PKD1L1: variants seen among roughly 807,000 people sequenced by gnomAD.
PKD1L1 encodes polycystin 1 like 1, transient receptor potential channel interacting.
In PKD1L1, 236 loss-of-function variants were observed where a neutral mutation model predicts 323.4. The observed-to-expected ratio is 0.73, with a 90% CI of 0.66 to 0.81. The LOEUF is 0.81. PKD1L1 is among the 40% of genes least tolerant of loss of function. PKD1L1 has a pLI of 0.00. For synonymous variants in PKD1L1, 1,344 were observed against 1,335.0 expected (o/e 1.01, Z -0.15); for missense variants, 3,320 against 3,508.0 (o/e 0.95, Z 1.35).
chr7:47,853,670 G>A (rs1031645500), intron 30 of PKD1L1, among the ~76,000 whole-genome samples: 2 of 151,246 alleles, frequency 1.3e-5, no homozygotes, highest in African/African-American at 4.9e-5. Context: ...TTGAACCCGG[G>A]AGGCAGAGGT....
chr7:47,937,253 T>TGGGGGGGGGGGGGGGGGGGG (rs1787886392), intron 3 of PKD1L1, among the ~76,000 whole-genome samples: 2 of 2,474 alleles, frequency 8.1e-4, no homozygotes, highest in African/African-American at 2.3e-3. Flanking sequence ...CGGGACGGGG[T>TGGGGGGGGGGGGGGGGGGGG]GGGGGTGGGG....
At chr7:47,938,093 C>A (rs1787906721) in intron 3 of PKD1L1, among the ~76,000 whole-genome samples, 1 of 152,106 alleles carries the variant, frequency 6.6e-6, no homozygotes, top group African/African-American at 2.4e-5. Context: ...GGGCCCAGGG[C>A]CTCACTCTGG....
chr7:47,833,271 G>A lies in PKD1L1; in HGVS notation c.6175-19C>T. 6.2e-7 allele frequency: 1 copy of A among 1,608,766 alleles called. No homozygotes were observed. The highest frequency in any genetic ancestry group is 1.1e-5 in the South Asian group (1 of 90,104). On this transcript the variant is annotated intron_variant, in intron 40 of 56. Transcript: ENST00000289672. ...CAGGTTGCTAGAATGACAAGGTCAT[G>A]CCAAGGTTAATATCTCCACAGACAG...
intron 24 of PKD1L1, among the ~76,000 whole-genome samples, chr7:47,869,582 G>T (rs1786237284): frequency 6.6e-6 from 1 of 152,100 alleles, no homozygotes; most frequent in Non-Finnish European, 1.5e-5. Flanking sequence ...AACATATAGG[G>T]ACCTAACAAC....
At chr7:47,817,894 A>G (rs17627961) in intron 46 of PKD1L1, 94,780 of 603,342 alleles carry the variant, frequency 0.16, 8,425 homozygotes, top group Admixed American at 0.21. Flanking sequence ...CATAGCATGT[A>G]TGAGTAAAAG....
At chr7:47,792,923 A>C in intron 55 of PKD1L1, 126 bp from the exon 56 acceptor site, 2 of 861,790 alleles carry the variant, frequency 2.3e-6, no homozygotes, top group Non-Finnish European at 3.5e-6. Context: ...AAACATACTG[A>C]CTCTGCCTGC....
chr7:47,902,366 A>C lies in PKD1L1; in HGVS notation c.2064+13T>G, dbSNP rs752459383. ...AAGAGGCTGGTGGAGGATTTCCCAG[A>C]CTCCGAGCCTACCTGGACTTTCCCA... On this transcript the variant is annotated intron_variant, in intron 13 of 56. Transcript: ENST00000289672. 1 of 1,612,672 alleles carries C rather than the reference A, an allele frequency of 6.2e-7. No homozygotes were observed. The highest frequency in any genetic ancestry group is 8.5e-7 in the Non-Finnish European group (1 of 1,179,576).
chr7:47,926,335 T>G (rs1787656364), intron 7 of PKD1L1, among the ~76,000 whole-genome samples: 3 of 152,248 alleles, frequency 2.0e-5, no homozygotes, highest in Admixed American at 2.0e-4. Flanking sequence ...AAAATCTTTG[T>G]ATCTACCTAT....
intron 16 of PKD1L1, among the ~76,000 whole-genome samples, chr7:47,890,210 G>A (rs779893014): frequency 2.0e-5 from 3 of 152,208 alleles, no homozygotes; most frequent in Non-Finnish European, 2.9e-5. Flanking sequence ...TTGCCTCCTG[G>A]CTTCAGTCCC....
In PKD1L1 at chr7:47,929,354, C is replaced by T. The variant is rs752177210; in HGVS notation, c.910G>A (p.Ala304Thr). 19 of 1,614,034 alleles carry T rather than the reference C, an allele frequency of 1.2e-5. No individual in the cohort carries two copies. The highest frequency in any genetic ancestry group is 1.5e-5 in the Non-Finnish European group (18 of 1,180,040). ...LNCSLEVEAR[A>T]PPNLGFRVHM... is the part of the protein sequence containing the mutation. Reference sequence around the variant, plus strand: ...ACACGGAATCCCAGATTTGGAGGTGCCCGAGCTTCCACTTCCAGGGAGCAA... The same window carrying T: ...ACACGGAATCCCAGATTTGGAGGTGTCCGAGCTTCCACTTCCAGGGAGCAA... The change falls in exon 7 of 57, where the codon GCA becomes ACA. Residue 304 changes from alanine to threonine, a missense_variant. Ala to Thr is a moderately conservative substitution (Grantham distance 58). Transcript: ENST00000289672.
chr7:47,824,551 C>A (rs538229786), intron 45 of PKD1L1, among the ~76,000 whole-genome samples: 1 of 152,240 alleles, frequency 6.6e-6, no homozygotes, highest in Non-Finnish European at 1.5e-5. Flanking sequence ...AAATTTTTAA[C>A]CTTAACACAG....
Position 47,843,091 on chromosome 7 carries a change from T to C in PKD1L1, c.5316A>G (p.Arg1772=), listed in dbSNP as rs1397526014. The part of the protein sequence containing the change: ...ILYGFLVAKS[R]QVDHHEKKKA... ...TCTTTTTTTCATGATGATCTACTTG[T>C]CTACTTTTAGCGACCAAAAATCCAT... Residue 1772 remains arginine (R), a synonymous_variant, in exon 34 of 57, where the codon AGA becomes AGG. Coordinates refer to ENST00000289672, the MANE Select transcript of PKD1L1 (RefSeq NM_138295.5). 1 of 1,613,950 alleles carries C rather than the reference T, an allele frequency of 6.2e-7. No homozygotes were observed. Among genetic ancestry groups the C allele is most frequent in the Admixed American group, 1.7e-5 (1 of 60,006 alleles).
intron 52 of PKD1L1, among the ~76,000 whole-genome samples, chr7:47,804,031 T>C (rs900349634): frequency 1.1e-4 from 16 of 152,196 alleles, no homozygotes; most frequent in African/African-American, 3.9e-4. Context: ...TATGATCTCA[T>C]ATGCTCTCAC....
In PKD1L1 at chr7:47,813,409, C is replaced by T. The variant is rs138712643; in HGVS notation, c.7174-116G>A. ...ACCTGCTCTGTCCTGCAACATGGCA[C>T]CCTTCTCTCCTCATAGGATCGTTCT... On this transcript the variant is annotated intron_variant, in intron 48 of 56. Transcript: ENST00000289672. 5.7e-3 allele frequency: 6,146 copies of T among 1,078,830 alleles called. 32 individuals carry two copies. The highest frequency in any genetic ancestry group is 7.2e-3 in the Non-Finnish European group (5,293 of 730,164). 66.8% of individuals were successfully genotyped at this position (1,078,830 alleles called of 1,614,324 possible). A position where few individuals can be genotyped will look rare whatever the true frequency, so the allele number is the denominator to read the frequency against.
Position 47,893,963 on chromosome 7 carries a change from G to A in PKD1L1, c.2368C>T (p.Leu790=). ...PVSVISEGTH[L]FFSRTTSSPI... is the part of the protein sequence containing the mutation. Reference sequence around the variant, plus strand: ...GATGAGGTGGTCCTGGAGAAGAATAGGTGTGTGCCCTCGGAGATCACACTG... The same window carrying A: ...GATGAGGTGGTCCTGGAGAAGAATAAGTGTGTGCCCTCGGAGATCACACTG... Residue 790 remains leucine, a synonymous_variant, in exon 15 of 57, where the codon CTA becomes TTA. Transcript: ENST00000289672. The A allele has an allele frequency of 1.2e-6, 2 of 1,613,960 alleles. No homozygotes were observed. The highest frequency in any genetic ancestry group is 8.5e-7 in the Non-Finnish European group (1 of 1,179,978).
upstream of PKD1L1, among the ~76,000 whole-genome samples, chr7:47,951,583 TAC>T (rs1334666621): frequency 2.0e-5 from 3 of 152,196 alleles, no homozygotes; most frequent in Admixed American, 6.5e-5. Context: ...CACAGGTGTT[TAC>T]ACAGTTCACA....
In PKD1L1 at chr7:47,845,468, G is replaced by A. The variant is rs146553085; in HGVS notation, c.5154-390C>T. 1.6e-3 allele frequency among the ~76,000 whole-genome samples: 248 copies of A among 152,346 alleles called. 3 individuals are homozygous for A. Among genetic ancestry groups the A allele is most frequent in the African/African-American group, 5.9e-3 (244 of 41,578 alleles). On this transcript the variant is annotated intron_variant, in intron 32 of 56. Coordinates refer to ENST00000289672, the MANE Select transcript of PKD1L1 (RefSeq NM_138295.5). The stretch of plus-strand genomic sequence containing the variant: ...TCCTCTGCCTAAGCACCAGTTCCTG[G>A]CATTACAAATATCCTACCCTGACAA...
At position 47,864,581 on chromosome 7, in the gene PKD1L1, T is replaced by TTTCTTTCC. The variant is rs1158632480; in HGVS notation, c.4149+634_4149+635insGGAAAGAA. ...CTTCTTTTTCTTTTTCTTTCTTTTC[T>TTTCTTTCC]TTCTTTCTTTCTTTCTTTCTTTCTT... On this transcript the variant is annotated intron_variant, in intron 26 of 56. Coordinates refer to ENST00000289672, the MANE Select transcript of PKD1L1 (RefSeq NM_138295.5). 1.1e-3 allele frequency among the ~76,000 whole-genome samples: 63 copies of TTTCTTTCC among 55,536 alleles called. 1 individual carries two copies. Among genetic ancestry groups the TTTCTTTCC allele is most frequent in the African/African-American group, 6.7e-3 (62 of 9,216 alleles). 36.4% of individuals were successfully genotyped at this position (55,536 alleles called of 152,430 possible).
Position 47,800,977 on chromosome 7 carries a change from G to A in PKD1L1, c.7963-98C>T, listed in dbSNP as rs1291798553. 33 of 1,060,798 alleles carry A rather than the reference G, an allele frequency of 3.1e-5. 1 individual carries two copies. In the Middle Eastern group the frequency reaches 8.8e-4, roughly 28 times the overall value. 65.7% of individuals were successfully genotyped at this position (1,060,798 alleles called of 1,614,324 possible). On this transcript the variant is annotated intron_variant, in intron 53 of 56. Coordinates refer to ENST00000289672, the MANE Select transcript of PKD1L1 (RefSeq NM_138295.5). ...GTTGAAAATAGAGACAAACTTGGAG[G>A]GGCAGTTTTGGGAGTGTGGATCAAT...
Sources: allele counts gnomAD v4.1 joint callset (sites outside exome capture counted in the v4.1 genomes callset), GRCh38; gene constraint gnomAD v4.1.1; transcripts MANE v1.5; gene names NCBI Gene and HGNC (gene_info 2026-07-23, HGNC 2026-07-21).